Variants in KCP observed in about 807,000 individuals in gnomAD.
The protein encoded by KCP is kielin cysteine rich BMP regulator.
In KCP, 194 loss-of-function variants were observed where a neutral mutation model predicts 212.7. The ratio of observed to expected loss-of-function variants is 0.91; its 90% CI spans 0.81 to 1.03. The LOEUF is 1.03. Ranked by LOEUF, KCP falls within the 50% of genes least tolerant of loss-of-function variation. The pLI is 0.00. For synonymous variants in KCP, 833 were observed against 865.3 expected (o/e 0.96, Z 0.65); for missense variants, 2,080 against 2,162.5 (o/e 0.96, Z 0.76).
At position 128,879,571 on chromosome 7, in the gene KCP, A is replaced by G. The variant is rs1258225739; in HGVS notation, c.4097T>C (p.Val1366Ala). 1.9e-6 allele frequency: 3 copies of G among 1,550,478 alleles called. No homozygotes were observed. Among genetic ancestry groups the G allele is most frequent in the South Asian group, 2.4e-5 (2 of 84,052 alleles). ...LPFLQEPLLY[V>A]ELRGHTVILH... is the part of the protein sequence containing the mutation. ...GATCACAGTGTGTCCTCGCAGCTCCACATACAGCAGCGGCTCCTGCAGGAA... is the reference window on the plus strand; with the variant it reads ...GATCACAGTGTGTCCTCGCAGCTCCGCATACAGCAGCGGCTCCTGCAGGAA... Residue 1366 changes from valine (V) to alanine (A), a missense_variant, in exon 37 of 40, where the codon GTG becomes GCG. Physicochemically the swap from Val to Ala is moderately conservative, Grantham distance 64 (BLOSUM62 0). Transcript: ENST00000610776.
In KCP at chr7:128,910,691, GCTCGGCTCGCCGTCTGT is replaced by G; in HGVS notation, c.-32_-16del. 6.7e-7 allele frequency: 1 copy of G among 1,483,678 alleles called. No individual in the cohort carries two copies. Among genetic ancestry groups the G allele is most frequent in the South Asian group, 1.3e-5 (1 of 77,872 alleles). The allele number at this position is 1,483,678 out of a possible 1,614,324, so 91.9% of individuals were successfully genotyped here. ...ACCCCGGCCATGCTAGCTCCGCCTC[GCTCGGCTCGCCGTCTGT>G]CGTCGCGGCTCAGCAGGCGCTGGGG... On this transcript the variant is annotated 5_prime_UTR_variant, in exon 1 of 40. Transcript: ENST00000610776.
At chr7:128,878,995 C>A (rs1793155674) in intron 37 of KCP, 2 of 474,024 alleles carry the variant, frequency 4.2e-6, no homozygotes, top group Non-Finnish European at 3.8e-6. Flanking sequence ...CTGCACTGGG[C>A]CCCAGGTGAA....
At position 128,877,609 on chromosome 7, in the gene KCP, T is replaced by C; in HGVS notation, c.4493A>G (p.Tyr1498Cys). 6.4e-7 allele frequency: 1 copy of C among 1,551,614 alleles called. No individual in the cohort carries two copies. The highest frequency in any genetic ancestry group is 8.7e-7 in the Non-Finnish European group (1 of 1,146,982). ...GCCAGGGCCACAGGCACACAGGTCATACACACAGGCGGCAAAGAAGGGCTC... is the reference window on the plus strand; with the variant it reads ...GCCAGGGCCACAGGCACACAGGTCACACACACAGGCGGCAAAGAAGGGCTC... ...PPEPFFAACV[Y>C]DLCACGPGSS... Residue 1498 changes from tyrosine (Y) to cysteine (C), a missense_variant, in exon 39 of 40, where the codon TAT becomes TGT. By Grantham distance (194) the Tyr-to-Cys change is radical. Coordinates refer to ENST00000610776, the MANE Select transcript of KCP (RefSeq NM_001366122.1).
rs780331798 is a variant in KCP at position 128,890,506 on chromosome 7, C to A, written c.2172G>T (p.Leu724=). 5.8e-6 allele frequency: 9 copies of A among 1,548,210 alleles called. No individual in the cohort carries two copies. The South Asian group carries it at 9.5e-5, about 16-fold the overall frequency. Residue 724 remains leucine (L), a synonymous_variant, in exon 21 of 40, where the codon CTG becomes CTT. Coordinates refer to ENST00000610776, the MANE Select transcript of KCP (RefSeq NM_001366122.1). ...GPCCPSCDGC[L]YQGKEFASGE... The stretch of plus-strand genomic sequence containing the variant: ...CGCTGGCAAACTCCTTCCCCTGGTA[C>A]AGGCAGCCTGGGGAGAAGGGCAGGG...
rs909694442 is a variant in KCP, at chr7:128,879,591, C to T, written c.4077G>A (p.Leu1359=). The change falls in exon 37 of 40, where the codon CTG becomes CTA. Residue 1359 remains leucine (L), a synonymous_variant. Coordinates refer to ENST00000610776, the MANE Select transcript of KCP (RefSeq NM_001366122.1). ...GCTCCACATACAGCAGCGGCTCCTG[C>T]AGGAAGGGCAAGGCCACCGGGTGCC... ...VDGHPVALPF[L]QEPLLYVELR... 24 of 1,550,406 alleles carry T rather than the reference C, an allele frequency of 1.5e-5. No individual in the cohort carries two copies. The highest frequency in any genetic ancestry group is 2.0e-5 in the Non-Finnish European group (23 of 1,146,964).
intron 37 of KCP, chr7:128,879,163 T>A (rs552784511): frequency 8.5e-6 from 3 of 352,342 alleles, no homozygotes; most frequent in Admixed American, 4.3e-5. Flanking sequence ...CTCTTCCACA[T>A]GAGAGTTGGA....
At chr7:128,878,421 C>T in intron 38 of KCP, 137 bp downstream of exon 38, 1 of 967,842 alleles carries the variant, frequency 1.0e-6, no homozygotes, top group South Asian at 1.8e-5. Flanking sequence ...GAAGCCCCCA[C>T]ACCTCCCTGA....
Position 128,879,818 on chromosome 7 carries a change from G to T in KCP, c.3944C>A (p.Thr1315Asn), listed in dbSNP as rs1310100432. The T allele has an allele frequency of 1.9e-6, 3 of 1,550,944 alleles. No homozygotes were observed. The highest frequency in any genetic ancestry group is 2.6e-6 in the Non-Finnish European group (3 of 1,146,956). The change falls in exon 36 of 40, where the codon ACC becomes AAC. Residue 1315 changes from threonine (T) to asparagine (N), a missense_variant. Transcript: ENST00000610776. ...ACCGCTCCGGCCCCGGTCATCATTGGTCACGTGCACACTGTGGGCAGGAAA... is the reference window on the plus strand; with the variant it reads ...ACCGCTCCGGCCCCGGTCATCATTGTTCACGTGCACACTGTGGGCAGGAAA... ...CHSGDFSVHV[T>N]NDDRGRSGVA... is the part of the protein sequence containing the mutation.
At chr7:128,879,120 TTG>T in intron 37 of KCP, 2 of 334,714 alleles carry the variant, frequency 6.0e-6, no homozygotes, top group Non-Finnish European at 1.1e-5. Context: ...AATTTACGAG[TTG>T]TGTTTCCTGC....
At chr7:128,894,337 C>A (rs368099692) in intron 8 of KCP, 44 bp from the exon 9 acceptor site, 19 of 1,414,034 alleles carry the variant, frequency 1.3e-5, no homozygotes, top group East Asian at 7.5e-5. Context: ...CAGGGCTCAA[C>A]TGAGAGGTGG....
chr7:128,885,455 A>G (rs1793594412), intron 26 of KCP, among the ~76,000 whole-genome samples, 185 bp from the exon 27 acceptor site: 1 of 152,224 alleles, frequency 6.6e-6, no homozygotes, highest in Non-Finnish European at 1.5e-5. Context: ...GGAGGGGTTC[A>G]GAACACCTGG....
At chr7:128,908,207 A>AG (rs1795228662) in intron 2 of KCP, among the ~76,000 whole-genome samples, 1 of 149,556 alleles carries the variant, frequency 6.7e-6, no homozygotes, top group Non-Finnish European at 1.5e-5. Context: ...GAAAGAAAAA[A>AG]AAAGAAAGGA....
chr7:128,877,412 C>T, intron 39 of KCP, 72 bp downstream of exon 39: 1 of 1,534,094 alleles, frequency 6.5e-7, no homozygotes, highest in Non-Finnish European at 8.8e-7. Context: ...TGGTCCTGCC[C>T]TGAGCCCTCC....
At chr7:128,884,352 C>G (rs557346231) in intron 28 of KCP, among the ~76,000 whole-genome samples, 1 of 152,328 alleles carries the variant, frequency 6.6e-6, no homozygotes, top group East Asian at 1.9e-4. Context: ...TGGGCCTGAG[C>G]CCTCATGTGA....
At chr7:128,896,674 C>T (rs537053190) in intron 8 of KCP, among the ~76,000 whole-genome samples, 6 of 152,110 alleles carry the variant, frequency 3.9e-5, no homozygotes, top group African/African-American at 1.2e-4. Flanking sequence ...GGGCGGATCA[C>T]GAGGTCAAGA....
At chr7:128,884,226 G>A (rs1480266214) in intron 28 of KCP, 104 bp from the exon 29 acceptor site, 11 of 1,401,260 alleles carry the variant, frequency 7.9e-6, no homozygotes, top group Non-Finnish European at 8.5e-6. Context: ...AGCCTCTTCC[G>A]GGACATGTCT....
chr7:128,892,497 A>G lies in KCP; in HGVS notation c.1621+17T>C, dbSNP rs78082728. ...CTGGGGCCCTGATCCCCTCAGGCCC[A>G]GTGAGTGCCCACATACCTGGGCACC... is the stretch of plus-strand genomic sequence containing the variant. On this transcript the variant is annotated intron_variant, in intron 16 of 39. Transcript: ENST00000610776. 89,280 of 1,498,438 alleles carry G rather than the reference A, an allele frequency of 0.06. 3,062 individuals carry two copies. The highest frequency in any genetic ancestry group is 0.077 in the Middle Eastern group (444 of 5,740). 92.8% of individuals were successfully genotyped at this position (1,498,438 alleles called of 1,614,324 possible).
chr7:128,896,497 G>A (rs1399684635), intron 8 of KCP, among the ~76,000 whole-genome samples: 2 of 152,160 alleles, frequency 1.3e-5, no homozygotes, highest in African/African-American at 4.8e-5. Flanking sequence ...TTTGCTGACG[G>A]CTATGGGTGA....
Position 128,907,427 on chromosome 7 carries a change from C to T in KCP, c.246G>A (p.Arg82=). 1 of 1,507,232 alleles carries T rather than the reference C, an allele frequency of 6.6e-7. No individual in the cohort carries two copies. Among genetic ancestry groups the T allele is most frequent in the Non-Finnish European group, 8.9e-7 (1 of 1,117,748 alleles). 93.4% of individuals were successfully genotyped at this position (1,507,232 alleles called of 1,614,324 possible). A position where few individuals can be genotyped will look rare whatever the true frequency, so the allele number is the denominator to read the frequency against. Reference sequence around the variant, plus strand: ...GGTGGCACTCACAGGACTCCAGCTGCCTCACCCTCGTCTGCAGGTCCTTAT... The same window carrying T: ...GGTGGCACTCACAGGACTCCAGCTGTCTCACCCTCGTCTGCAGGTCCTTAT... ...EQNKDLQTRV[R]QLESCECHPA... The change falls in exon 3 of 40, where the codon AGG becomes AGA. Residue 82 remains arginine (R), a synonymous_variant. Coordinates refer to ENST00000610776, the MANE Select transcript of KCP (RefSeq NM_001366122.1).
Sources: gnomAD v4.1 joint callset for allele counts (sites outside exome capture counted in the v4.1 genomes callset) on GRCh38, gnomAD v4.1.1 for gene constraint, MANE v1.5 for transcripts, NCBI Gene and HGNC (gene_info 2026-07-23, HGNC 2026-07-21) for gene names.